The following ACSL3 variants were observed in gnomAD, a reference collection of about 807,000 sequenced individuals.
The protein encoded by ACSL3 is fatty acid CoA ligase Acsl3.
ACSL3 carries 34 observed loss-of-function variants against 84.7 expected under a neutral mutation model. That is an observed-to-expected ratio of 0.40 (90% CI 0.31 to 0.53). The LOEUF (loss-of-function observed/expected upper bound fraction) is 0.53. Among genes scored for constraint, ACSL3 ranks in the 20% least tolerant of loss-of-function variants. ACSL3 has a pLI of 0.48. For synonymous variants in ACSL3, 315 were observed against 299.4 expected (o/e 1.05, Z -0.54); for missense variants, 680 against 873.1 (o/e 0.78, Z 2.79).
chr2:222,934,694 A>G lies in ACSL3; in HGVS notation c.2005+7A>G. ...TCCGAAGCTGCTATTTCAGGTGAGT[A>G]TTCGGTTAAACTGATACTAAAAACT... On this transcript the variant is annotated splice_region_variant and intron_variant, in intron 16 of 16. Coordinates refer to ENST00000357430, the MANE Select transcript of ACSL3 (RefSeq NM_004457.5). 3 of 1,605,576 alleles carry G rather than the reference A, an allele frequency of 1.9e-6. No individual in the cohort carries two copies. Among genetic ancestry groups the G allele is most frequent in the Non-Finnish European group, 2.5e-6 (3 of 1,177,338 alleles).
rs1468951951 is a variant in ACSL3, at chr2:222,941,480, T to G, written c.2006-17T>G. 9.6e-6 allele frequency: 15 copies of G among 1,567,148 alleles called. No homozygotes were observed. Among genetic ancestry groups the G allele is most frequent in the Non-Finnish European group, 1.2e-5 (14 of 1,161,986 alleles). Reference sequence around the variant, plus strand: ...TTAAATACCTTTTCTTCTTTTCTTTTTTTTTAATCATCTTAGCAAGTCTGG... The same window carrying G: ...TTAAATACCTTTTCTTCTTTTCTTTGTTTTTAATCATCTTAGCAAGTCTGG... On this transcript the variant is annotated splice_polypyrimidine_tract_variant and intron_variant, in intron 16 of 16. Transcript: ENST00000357430.
intron 4 of ACSL3, among the ~76,000 whole-genome samples, chr2:222,910,901 G>A (rs1696423984): frequency 6.6e-6 from 1 of 152,026 alleles, no homozygotes; most frequent in Non-Finnish European, 1.5e-5. Context: ...TTAAGATCTC[G>A]CTGAAGTTAA....
At position 222,943,102 on chromosome 2, in the gene ACSL3, A is replaced by AAAAC. The variant is rs146569571; in HGVS notation, c.*1452_*1455dup. On this transcript the variant is annotated 3_prime_UTR_variant, in exon 17 of 17. Transcript: ENST00000357430. ...GCAAAAATCAAAAAAAAAAAAAACA[A>AAAAC]AAACAAAAAAAAAGATGAACCTAGG... The AAAAC allele has an allele frequency of 0.81, 164,079 of 202,968 alleles. 65,954 individuals carry two copies. The highest frequency in any genetic ancestry group is 0.93 in the South Asian group (4,851 of 5,198). 12.6% of individuals were successfully genotyped at this position (202,968 alleles called of 1,614,324 possible).
chr2:222,939,514 C>T (rs1266291987), intron 16 of ACSL3, among the ~76,000 whole-genome samples: 1 of 152,148 alleles, frequency 6.6e-6, no homozygotes, highest in Non-Finnish European at 1.5e-5. Flanking sequence ...TTCTTGACAG[C>T]TCCCAACCTG....
chr2:222,870,258 C>CT (rs1167687276), intron 1 of ACSL3, among the ~76,000 whole-genome samples: 1 of 152,090 alleles, frequency 6.6e-6, no homozygotes, highest in African/African-American at 2.4e-5. Flanking sequence ...GTGTCTTTGA[C>CT]TTTATCAGTT....
At chr2:222,862,081 T>C (rs2106075128) in intron 1 of ACSL3, among the ~76,000 whole-genome samples, 1 of 152,334 alleles carries the variant, frequency 6.6e-6, no homozygotes, top group South Asian at 2.1e-4. Flanking sequence ...TTTAAAATTA[T>C]ATGGAAGCTA....
intron 1 of ACSL3, among the ~76,000 whole-genome samples, chr2:222,870,778 G>A (rs1695280602): frequency 6.6e-6 from 1 of 152,212 alleles, no homozygotes; most frequent in Non-Finnish European, 1.5e-5. Context: ...GGTGAGAGTT[G>A]AAAAGTAAGC....
At chr2:222,867,592 A>G (rs1695184534) in intron 1 of ACSL3, among the ~76,000 whole-genome samples, 1 of 152,184 alleles carries the variant, frequency 6.6e-6, no homozygotes, top group East Asian at 1.9e-4. Context: ...ATTGAGTTTC[A>G]ACTCAATTCA....
At chr2:222,866,268 C>T (rs1046020063) in intron 1 of ACSL3, among the ~76,000 whole-genome samples, 1 of 152,124 alleles carries the variant, frequency 6.6e-6, no homozygotes, top group Non-Finnish European at 1.5e-5. Context: ...GCCTCAGCCT[C>T]CTGAGTAGCT....
chr2:222,881,806 A>G (rs1695597721), intron 1 of ACSL3, among the ~76,000 whole-genome samples: 1 of 152,192 alleles, frequency 6.6e-6, no homozygotes, highest in Admixed American at 6.5e-5. Flanking sequence ...GCCCGGCCTC[A>G]CTTTTCTTAA....
intron 2 of ACSL3, among the ~76,000 whole-genome samples, chr2:222,889,454 C>G (rs149166950): frequency 6.6e-6 from 1 of 152,146 alleles, no homozygotes; most frequent in East Asian, 1.9e-4. Flanking sequence ...GTCTTGAATC[C>G]CGAAACTTAG....
intron 14 of ACSL3, among the ~76,000 whole-genome samples, chr2:222,931,179 A>G (rs1422905842): frequency 1.3e-5 from 2 of 152,118 alleles, no homozygotes; most frequent in South Asian, 2.1e-4. Flanking sequence ...CTCAAGTACT[A>G]TGACTCATAT....
chr2:222,901,801 T>C (rs1368708971), intron 3 of ACSL3, among the ~76,000 whole-genome samples: 2 of 152,018 alleles, frequency 1.3e-5, no homozygotes, highest in African/African-American at 4.8e-5. Flanking sequence ...AAAAATTAGC[T>C]GGGCGTGATT....
intron 1 of ACSL3, among the ~76,000 whole-genome samples, chr2:222,880,146 C>A (rs1006686562): frequency 6.6e-6 from 1 of 152,110 alleles, no homozygotes; most frequent in African/African-American, 2.4e-5. Context: ...ATTAACAATT[C>A]GTGTTTTGAT....
intron 1 of ACSL3, among the ~76,000 whole-genome samples, chr2:222,862,803 A>G (rs1695047699): frequency 6.6e-6 from 1 of 152,186 alleles, no homozygotes; most frequent in Admixed American, 6.5e-5. Context: ...GTATCTTTGG[A>G]TCTCAGTTAC....
rs140357535 is a variant in ACSL3 at position 222,868,680 on chromosome 2, C to T, written c.-207+7422C>T. Among the ~76,000 whole-genome samples the T allele has an allele frequency of 6.2e-4, 94 of 152,244 alleles. No homozygotes were observed. In the East Asian group the frequency reaches 0.014, roughly 23 times the overall value. On this transcript the variant is annotated intron_variant, in intron 1 of 16. Coordinates refer to ENST00000357430, the MANE Select transcript of ACSL3 (RefSeq NM_004457.5). ...TTTAGGATTTGGTTGGGCATGGTGG[C>T]TTATGCCTTTAATCCCAGCACTTTG...
At chr2:222,865,032 A>C (rs1695102713) in intron 1 of ACSL3, among the ~76,000 whole-genome samples, 1 of 152,228 alleles carries the variant, frequency 6.6e-6, no homozygotes, top group Admixed American at 6.5e-5. Flanking sequence ...TTCATCCCTC[A>C]ATAGAGTATA....
chr2:222,868,325 A>G (rs1695208355), intron 1 of ACSL3, among the ~76,000 whole-genome samples: 1 of 152,156 alleles, frequency 6.6e-6, no homozygotes, highest in Non-Finnish European at 1.5e-5. Context: ...CTATGTCTCA[A>G]TTTCTTCATC....
At chr2:222,920,558 C>A (rs372596327) in intron 7 of ACSL3, among the ~76,000 whole-genome samples, 1 of 152,186 alleles carries the variant, frequency 6.6e-6, no homozygotes, top group African/African-American at 2.4e-5. Context: ...TACTCTAGTC[C>A]AAAGCTACCT....
Sources: allele counts gnomAD v4.1 joint callset (sites outside exome capture counted in the v4.1 genomes callset), GRCh38; gene constraint gnomAD v4.1.1; transcripts MANE v1.5; gene names NCBI Gene and HGNC (gene_info 2026-07-23, HGNC 2026-07-21).